SLC9A9: variants seen among roughly 807,000 people sequenced by gnomAD.
SLC9A9 encodes sodium/hydrogen exchanger 9.
SLC9A9 carries 62 observed loss-of-function variants against 77.8 expected under a neutral mutation model. That is an observed-to-expected ratio of 0.80 (90% CI 0.65 to 0.98). The LOEUF (loss-of-function observed/expected upper bound fraction) is 0.98, where lower values mean the gene tolerates loss of function less well. Among genes scored for constraint, SLC9A9 ranks in the 50% least tolerant of loss-of-function variants. The pLI is 0.00. For missense variants in SLC9A9, 775 were observed against 774.9 expected (o/e 1.00, Z 0.00); for synonymous variants, 320 against 283.5 (o/e 1.13, Z -1.29).
intron 5 of SLC9A9, among the ~76,000 whole-genome samples, chr3:143,654,323 A>G (rs1223652619): frequency 1.3e-5 from 2 of 152,254 alleles, no homozygotes; most frequent in Non-Finnish European, 2.9e-5. Context: ...AAAATGCCAT[A>G]TGAATTGACA....
chr3:143,521,475 T>G (rs996405056), intron 9 of SLC9A9, among the ~76,000 whole-genome samples: 1 of 152,318 alleles, frequency 6.6e-6, no homozygotes, highest in Non-Finnish European at 1.5e-5. Flanking sequence ...AAGTAAAATC[T>G]GACAGTGTTT....
intron 14 of SLC9A9, among the ~76,000 whole-genome samples, chr3:143,278,093 G>C (rs1325077095): frequency 6.6e-6 from 1 of 152,160 alleles, no homozygotes; most frequent in Non-Finnish European, 1.5e-5. Context: ...TCCGTGCAGA[G>C]GACATGAACT....
intron 2 of SLC9A9, among the ~76,000 whole-genome samples, chr3:143,798,459 T>G (rs1207576941): frequency 6.6e-6 from 1 of 152,150 alleles, no homozygotes; most frequent in African/African-American, 2.4e-5. Context: ...CCCCACACCC[T>G]TCTCCATGTC....
chr3:143,363,058 A>C (rs2032794947), intron 14 of SLC9A9, among the ~76,000 whole-genome samples: 1 of 152,138 alleles, frequency 6.6e-6, no homozygotes, highest in Admixed American at 6.5e-5. Flanking sequence ...AAAAACACAC[A>C]AATGGGTTCC....
chr3:143,607,936 G>C (rs1023453497), intron 6 of SLC9A9, among the ~76,000 whole-genome samples: 1 of 151,764 alleles, frequency 6.6e-6, no homozygotes, highest in Admixed American at 6.6e-5. Flanking sequence ...AGTACAAAGA[G>C]GTATATTCAT....
At chr3:143,402,117 G>T (rs2033875741) in intron 12 of SLC9A9, among the ~76,000 whole-genome samples, 1 of 152,112 alleles carries the variant, frequency 6.6e-6, no homozygotes, top group African/African-American at 2.4e-5. Context: ...TTAAAGATAA[G>T]AACACTGAGA....
At chr3:143,267,886 C>T (rs765829632) in intron 15 of SLC9A9, among the ~76,000 whole-genome samples, 21 of 152,280 alleles carry the variant, frequency 1.4e-4, no homozygotes, top group Non-Finnish European at 2.2e-4. Context: ...GGGCCCTTGC[C>T]GGGGGATTTT....
At chr3:143,340,603 GGCTC>G (rs1416456901) in intron 14 of SLC9A9, among the ~76,000 whole-genome samples, 1 of 152,138 alleles carries the variant, frequency 6.6e-6, no homozygotes, top group Non-Finnish European at 1.5e-5. Context: ...TCTTTCCTGG[GGCTC>G]ACTTTGGTAC....
chr3:143,585,967 G>T (rs1576592978), intron 6 of SLC9A9, among the ~76,000 whole-genome samples: 1 of 152,234 alleles, frequency 6.6e-6, no homozygotes, highest in East Asian at 1.9e-4. Flanking sequence ...CTCTGTCCTT[G>T]CAGGTGGCAC....
At chr3:143,290,276 A>G (rs534969533) in intron 14 of SLC9A9, among the ~76,000 whole-genome samples, 1 of 152,314 alleles carries the variant, frequency 6.6e-6, no homozygotes, top group East Asian at 1.9e-4. Flanking sequence ...CTCCCTAATC[A>G]TGGCATTTGT....
chr3:143,758,768 G>T (rs2007014462), intron 4 of SLC9A9, among the ~76,000 whole-genome samples: 2 of 152,076 alleles, frequency 1.3e-5, no homozygotes, highest in Non-Finnish European at 2.9e-5. Context: ...GAGGGAGAAA[G>T]AGTCCTCTGA....
chr3:143,272,177 T>G (rs931657981), intron 14 of SLC9A9, among the ~76,000 whole-genome samples: 1 of 152,202 alleles, frequency 6.6e-6, no homozygotes, highest in African/African-American at 2.4e-5. Flanking sequence ...AAAAACCGTT[T>G]TCTTTCACTC....
intron 4 of SLC9A9, among the ~76,000 whole-genome samples, chr3:143,765,394 A>T (rs2007282183): frequency 1.3e-5 from 2 of 152,098 alleles, no homozygotes; most frequent in African/African-American, 2.4e-5. Context: ...CACACTGTCG[A>T]TATGCTACTA....
At position 143,304,529 on chromosome 3, in the gene SLC9A9, T is replaced by C. The variant is rs2030690801; in HGVS notation, c.1605-35549A>G. Among the ~76,000 whole-genome samples the C allele has an allele frequency of 1.3e-5, 2 of 152,250 alleles. 1 individual carries two copies. Among genetic ancestry groups the C allele is most frequent in the South Asian group, 4.1e-4 (2 of 4,826 alleles). On this transcript the variant is annotated intron_variant, in intron 14 of 15. Transcript: ENST00000316549. ...ATTGCCTTGTTCAGACATGGCTTCA[T>C]CTTGGCAGCATTCAGGCCTTGGGTT...
rs568392491 is a variant in SLC9A9, at chr3:143,495,571, C to T, written c.1090-123G>A. On this transcript the variant is annotated intron_variant, in intron 9 of 15. Transcript: ENST00000316549. ...TTATCTGGAAGGCCACCCCTTTGGCCGTGTGCTTAGCCTCTGAAGGAGGAT... is the reference window on the plus strand; with the variant it reads ...TTATCTGGAAGGCCACCCCTTTGGCTGTGTGCTTAGCCTCTGAAGGAGGAT... The T allele has an allele frequency of 9.5e-4, 695 of 733,090 alleles. 2 individuals are homozygous for T. Among genetic ancestry groups the T allele is most frequent in the Non-Finnish European group, 1.2e-3 (503 of 414,206 alleles). 45.4% of individuals were successfully genotyped at this position (733,090 alleles called of 1,614,324 possible). A position where few individuals can be genotyped will look rare whatever the true frequency, so the allele number is the denominator to read the frequency against.
chr3:143,334,038 A>C (rs1302730537), intron 14 of SLC9A9, among the ~76,000 whole-genome samples: 1 of 152,252 alleles, frequency 6.6e-6, no homozygotes, highest in Non-Finnish European at 1.5e-5. Flanking sequence ...ATAATCTGCT[A>C]CAATTGGTAC....
intron 12 of SLC9A9, among the ~76,000 whole-genome samples, chr3:143,454,672 A>C (rs2035058365): frequency 6.6e-6 from 1 of 152,206 alleles, no homozygotes; most frequent in Non-Finnish European, 1.5e-5. Flanking sequence ...TTAGGATATC[A>C]CAAGGCTGAA....
chr3:143,537,153 T>C (rs1250277712), intron 9 of SLC9A9, among the ~76,000 whole-genome samples: 1 of 152,188 alleles, frequency 6.6e-6, no homozygotes. Context: ...ATCTGGTGTC[T>C]TTCTAGATGC....
intron 12 of SLC9A9, among the ~76,000 whole-genome samples, chr3:143,420,607 C>T (rs1317741460): frequency 6.6e-6 from 1 of 151,746 alleles, no homozygotes; most frequent in Non-Finnish European, 1.5e-5. Flanking sequence ...TTTATTATTA[C>T]TATTATTATT....
Sources: gnomAD v4.1 joint callset for allele counts (sites outside exome capture counted in the v4.1 genomes callset) on GRCh38, gnomAD v4.1.1 for gene constraint, MANE v1.5 for transcripts, NCBI Gene and HGNC (gene_info 2026-07-23, HGNC 2026-07-21) for gene names.